Variants in ACTL6B observed in about 807,000 individuals in gnomAD.
ACTL6B encodes actin like 6B.
Under a neutral mutation model 63.3 loss-of-function variants are expected in ACTL6B, and 48 were observed. The ratio of observed to expected loss-of-function variants is 0.76; its 90% CI spans 0.60 to 0.96. ACTL6B has a LOEUF of 0.96. Among genes scored for constraint, ACTL6B ranks in the 50% least tolerant of loss-of-function variants. ACTL6B has a pLI of 0.00. For synonymous variants in ACTL6B, 230 were observed against 223.8 expected (o/e 1.03, Z -0.25); for missense variants, 350 against 572.2 (o/e 0.61, Z 3.96).
chr7:100,655,591 T>G lies in ACTL6B; in HGVS notation c.103-5A>C, dbSNP rs767008672. ...CACTGTGGTGGGGAAGTCAGCCTGG[T>G]GGGGAAGGGTTGGGGGAGTATTGGC... On this transcript the variant is annotated splice_polypyrimidine_tract_variant and splice_region_variant and intron_variant, in intron 2 of 13. Coordinates refer to ENST00000160382, the MANE Select transcript of ACTL6B (RefSeq NM_016188.5). The surrounding 1 kb of genome is among the most constrained non-coding windows in gnomAD (Gnocchi z 4.4). 6.2e-6 allele frequency: 10 copies of G among 1,610,382 alleles called. No homozygotes were observed. In the South Asian group the frequency reaches 1.1e-4, roughly 18 times the overall value.
chr7:100,648,857 G>C lies in ACTL6B; in HGVS notation c.468-34C>G. 1 of 1,595,368 alleles carries C rather than the reference G, an allele frequency of 6.3e-7. No individual in the cohort carries two copies. Reference sequence around the variant, plus strand: ...GGATGGGTAAGTCAAAGAGACAGCAGCAGCAAGTGAGGGGCCTGGGCCCAG... The same window carrying C: ...GGATGGGTAAGTCAAAGAGACAGCACCAGCAAGTGAGGGGCCTGGGCCCAG... On this transcript the variant is annotated intron_variant, in intron 5 of 13. Coordinates refer to ENST00000160382, the MANE Select transcript of ACTL6B (RefSeq NM_016188.5). The surrounding 1 kb of genome is among the most constrained non-coding windows in gnomAD (Gnocchi z 4.4).
At chr7:100,644,843 G>A (rs1265552802) in intron 13 of ACTL6B, among the ~76,000 whole-genome samples, 1 of 152,058 alleles carries the variant, frequency 6.6e-6, no homozygotes, top group East Asian at 1.9e-4. Flanking sequence ...ATCACTTGAG[G>A]TCAGGAGTTT....
At chr7:100,649,050 T>C (rs1803880040) in intron 5 of ACTL6B, among the ~76,000 whole-genome samples, 2 of 151,104 alleles carry the variant, frequency 1.3e-5, no homozygotes, top group Non-Finnish European at 2.9e-5. Flanking sequence ...TGGAGTGCAG[T>C]GGCGCAATCT....
rs1804019047 is a variant in ACTL6B, at chr7:100,655,400, T to A, written c.268+21A>T. The A allele has an allele frequency of 3.1e-6, 5 of 1,609,370 alleles. No individual in the cohort carries two copies. In the East Asian group the frequency reaches 1.1e-4, roughly 36 times the overall value. ...AGCGGGCTCCTTTTCTGTCAGGAGG[T>A]GATGGGTGGGGGCCCCTTACTCATG... On this transcript the variant is annotated intron_variant, in intron 3 of 13. Transcript: ENST00000160382. The surrounding 1 kb of genome is among the most constrained non-coding windows in gnomAD (Gnocchi z 4.4).
At chr7:100,650,238 C>G in intron 4 of ACTL6B, 103 bp from the exon 5 acceptor site, 1 of 898,522 alleles carries the variant, frequency 1.1e-6, no homozygotes, top group Non-Finnish European at 1.8e-6. Flanking sequence ...CACGGTCACA[C>G]ACACACATCC....
In ACTL6B at chr7:100,648,409, C is replaced by A. The variant is rs901031130; in HGVS notation, c.669+147G>T. ...CCTCAGCCTGTCTGGATTTCGGATG[C>A]CTCGATTATAAAAGGAGGAACTGGA... On this transcript the variant is annotated intron_variant, in intron 7 of 13. Transcript: ENST00000160382. This position sits in a 1 kb window ranked among gnomAD's most constrained non-coding sequence, Gnocchi z 4.4. 5 of 677,910 alleles carry A rather than the reference C, an allele frequency of 7.4e-6. No homozygotes were observed. The highest frequency in any genetic ancestry group is 1.2e-5 in the Non-Finnish European group (5 of 417,580). The allele number at this position is 677,910 out of a possible 1,614,324, so 42.0% of individuals were successfully genotyped here. A position where few individuals can be genotyped will look rare whatever the true frequency, so the allele number is the denominator to read the frequency against.
chr7:100,643,911 T>C (rs1184136086), intron 13 of ACTL6B, among the ~76,000 whole-genome samples: 2 of 152,130 alleles, frequency 1.3e-5, no homozygotes, highest in Non-Finnish European at 2.9e-5. Flanking sequence ...TTTTATTTTA[T>C]TTTTTTGAGA....
chr7:100,646,914 C>T lies in ACTL6B; in HGVS notation c.936+57G>A. 6.2e-7 allele frequency: 1 copy of T among 1,604,864 alleles called. No homozygotes were observed. The highest frequency in any genetic ancestry group is 8.5e-7 in the Non-Finnish European group (1 of 1,173,048). On this transcript the variant is annotated intron_variant, in intron 10 of 13. Coordinates refer to ENST00000160382, the MANE Select transcript of ACTL6B (RefSeq NM_016188.5). The surrounding 1 kb of genome is among the most constrained non-coding windows in gnomAD (Gnocchi z 6.1). Reference sequence around the variant, plus strand: ...CAATCCTTCCCAGCCTCCCCCACGCCCCAGGATCCAGGGACTGCAGCCAGC... The same window carrying T: ...CAATCCTTCCCAGCCTCCCCCACGCTCCAGGATCCAGGGACTGCAGCCAGC...
chr7:100,648,706 C>T lies in ACTL6B; in HGVS notation c.562+23G>A, dbSNP rs1388245723. ...CAGGACCTGGTCCTCCTGGAGCACC[C>T]CCACCCCCTGCCGAAGCCCCACCTT... On this transcript the variant is annotated intron_variant, in intron 6 of 13. Coordinates refer to ENST00000160382, the MANE Select transcript of ACTL6B (RefSeq NM_016188.5). This position sits in a 1 kb window ranked among gnomAD's most constrained non-coding sequence, Gnocchi z 4.4. The T allele has an allele frequency of 1.2e-6, 2 of 1,613,842 alleles. No individual in the cohort carries two copies. The highest frequency in any genetic ancestry group is 1.1e-5 in the South Asian group (1 of 91,044).
chr7:100,645,902 G>T (rs1803811365), intron 13 of ACTL6B, among the ~76,000 whole-genome samples: 1 of 152,188 alleles, frequency 6.6e-6, no homozygotes, highest in Non-Finnish European at 1.5e-5. Context: ...AAACTGCAGG[G>T]ATTACCGGCA....
Position 100,647,285 on chromosome 7 carries a change from C to T in ACTL6B, c.760-1G>A, listed in dbSNP as rs760096533. The T allele has an allele frequency of 1.2e-6, 2 of 1,613,348 alleles. No individual in the cohort carries two copies. The highest frequency in any genetic ancestry group is 1.7e-6 in the Non-Finnish European group (2 of 1,179,924). On this transcript the variant is annotated splice_acceptor_variant, in intron 8 of 13. Coordinates refer to ENST00000160382, the MANE Select transcript of ACTL6B (RefSeq NM_016188.5). LOFTEE classifies it high-confidence loss of function. This position sits in a 1 kb window ranked among gnomAD's most constrained non-coding sequence, Gnocchi z 4.4. ...AGGCCTGGAAGTCCTGGATCACCTC[C>T]TGAAATCCCAGCGGAGGTGGTGAGG... is the stretch of plus-strand genomic sequence containing the variant.
chr7:100,655,108 C>A lies in ACTL6B; in HGVS notation c.280G>T (p.Glu94Ter), dbSNP rs1411349804. The A allele has an allele frequency of 6.2e-7, 1 of 1,613,840 alleles. No individual in the cohort carries two copies. The highest frequency in any genetic ancestry group is 1.7e-5 in the Admixed American group (1 of 59,972). Reference protein sequence around the residue: ...PLKNGMIEDWECFRAILDHTY... With the variant: ...PLKNGMIEDW The stretch of plus-strand genomic sequence containing the variant: ...TGATCCAGGATGGCTCGGAAGCACT[C>A]CCAGTCCTCGACTGGGGCCAGAAGA... Residue 94 changes from glutamate (E) to a stop codon, truncating the protein, a stop_gained, in exon 4 of 14, where the codon GAG becomes TAG. Transcript: ENST00000160382. LOFTEE classifies it high-confidence loss of function. The surrounding 1 kb of genome is among the most constrained non-coding windows in gnomAD (Gnocchi z 4.4).
At position 100,655,655 on chromosome 7, in the gene ACTL6B, C is replaced by G; in HGVS notation, c.103-69G>C. The stretch of plus-strand genomic sequence containing the variant: ...ACCCTCTTGCCCCTGTCCAGCCCCA[C>G]AGCAGGGTCCTCAGACCGCCCCTGG... On this transcript the variant is annotated intron_variant, in intron 2 of 13. Transcript: ENST00000160382. This position sits in a 1 kb window ranked among gnomAD's most constrained non-coding sequence, Gnocchi z 4.4. 3.9e-6 allele frequency: 6 copies of G among 1,553,378 alleles called. No homozygotes were observed. The highest frequency in any genetic ancestry group is 5.2e-6 in the Non-Finnish European group (6 of 1,149,536).
At chr7:100,654,224 G>A (rs943852537) in intron 4 of ACTL6B, among the ~76,000 whole-genome samples, 2 of 151,550 alleles carry the variant, frequency 1.3e-5, no homozygotes, top group African/African-American at 2.4e-5. Context: ...CACCCGCCTC[G>A]GCCTCCCAAA....
intron 4 of ACTL6B, among the ~76,000 whole-genome samples, chr7:100,654,781 A>AT (rs1363223933): frequency 6.6e-6 from 1 of 151,786 alleles, no homozygotes; most frequent in Non-Finnish European, 1.5e-5. Context: ...AAAAAAAAAA[A>AT]TTTAAAAAGG....
At chr7:100,654,551 C>T (rs1036767413) in intron 4 of ACTL6B, among the ~76,000 whole-genome samples, 4 of 151,404 alleles carry the variant, frequency 2.6e-5, no homozygotes, top group Admixed American at 6.6e-5. Context: ...GAGGCCAAGG[C>T]GGGTGGATCA....
At chr7:100,653,691 A>G (rs1344323869) in intron 4 of ACTL6B, among the ~76,000 whole-genome samples, 1 of 152,018 alleles carries the variant, frequency 6.6e-6, no homozygotes, top group Non-Finnish European at 1.5e-5. Flanking sequence ...ACCCCAAACA[A>G]CAACAACAAC....
At chr7:100,649,193 C>T (rs574138935) in intron 5 of ACTL6B, among the ~76,000 whole-genome samples, 3 of 151,584 alleles carry the variant, frequency 2.0e-5, no homozygotes, top group Non-Finnish European at 4.4e-5. Flanking sequence ...GGGATTTCAC[C>T]GTGTTAGCCA....
intron 4 of ACTL6B, among the ~76,000 whole-genome samples, 194 bp from the exon 5 acceptor site, chr7:100,650,329 C>A (rs1192528237): frequency 6.6e-6 from 1 of 151,710 alleles, no homozygotes; most frequent in Non-Finnish European, 1.5e-5. Context: ...CTTGCACACA[C>A]ACACACATAC....
Sources: allele counts gnomAD v4.1 joint callset (sites outside exome capture counted in the v4.1 genomes callset), GRCh38; gene constraint gnomAD v4.1.1; non-coding constraint Gnocchi (gnomAD v3.1); transcripts MANE v1.5; gene names NCBI Gene and HGNC (gene_info 2026-07-23, HGNC 2026-07-21).